Variants in NOTCH1 observed in about 807,000 individuals in gnomAD.
NOTCH1 encodes neurogenic locus notch homolog protein 1.
A neutral mutation model predicts 254.8 loss-of-function variants in NOTCH1; 37 were observed. The observed-to-expected ratio is 0.15, with a 90% CI of 0.11 to 0.19. NOTCH1 has a LOEUF of 0.19. Ranked by LOEUF, NOTCH1 falls within the 10% of genes least tolerant of loss-of-function variation. The pLI is 1.00. For synonymous variants in NOTCH1, 1,731 were observed against 1,618.1 expected, an observed-to-expected ratio of 1.07 and a Z score of -1.68; for missense variants, 2,972 against 3,708.6, an observed-to-expected ratio of 0.80 and a Z score of 5.16.
At position 136,497,084 on chromosome 9, in the gene NOTCH1, G is replaced by T; in HGVS notation, c.6655C>A (p.Leu2219Met). The T allele has an allele frequency of 6.2e-7, 1 of 1,609,842 alleles. No homozygotes were observed. Among genetic ancestry groups the T allele is most frequent in the Non-Finnish European group, 8.5e-7 (1 of 1,178,116 alleles). ...GGAGACTGCTGGAACGGGGAGGGCA[G>T]CAGTGGCGGCGAGGCCACGTCTGAC... is the stretch of plus-strand genomic sequence containing the variant. ...YLSDVASPPL[L>M]PSPFQQSPSV... Residue 2219 changes from leucine to methionine, a missense_variant, in exon 34 of 34, where the codon CTG (leucine) becomes ATG (methionine). Leu to Met is a conservative substitution (Grantham distance 15). Coordinates refer to ENST00000651671, the MANE Select transcript of NOTCH1 (RefSeq NM_017617.5).
chr9:136,505,675 G>T lies in NOTCH1; in HGVS notation c.4221C>A (p.Ser1407=). Residue 1407 remains serine, a synonymous_variant, in exon 25 of 34, where the codon TCC becomes TCA. Transcript: ENST00000651671. ...CYNQGTCEPT[S]ESPFYRCLCP... is the part of the protein sequence containing the mutation. ...ACAGGCAACGGTAGAAGGGGCTCTC[G>T]GATGTGGGCTCACAGGTCCCCTGGT... The T allele has an allele frequency of 1.2e-6, 2 of 1,610,860 alleles. No homozygotes were observed.
Position 136,501,795 on chromosome 9 carries a change from T to C in NOTCH1, c.5591A>G (p.Gln1864Arg). ...RMSAMAPTPP[Q>R]GEVDADCMDV... ...CATGCAGTCGGCGTCAACCTCACCC[T>C]GGGGCGGTGTGGGGGCCATGGCAGA... The change falls in exon 30 of 34, where the codon CAG becomes CGG. Residue 1864 changes from glutamine to arginine, a missense_variant. This residue lies in a region of NOTCH1 where 421 missense variants were observed against 604.4 expected (regional missense o/e 0.70). Transcript: ENST00000651671. 2 of 1,612,716 alleles carry C rather than the reference T, an allele frequency of 1.2e-6. No individual in the cohort carries two copies. The highest frequency in any genetic ancestry group is 2.2e-5 in the East Asian group (1 of 44,870).
At chr9:136,542,679 G>A (rs1399423288) in intron 2 of NOTCH1, among the ~76,000 whole-genome samples, 1 of 151,608 alleles carries the variant, frequency 6.6e-6, no homozygotes, top group Non-Finnish European at 1.5e-5. Flanking sequence ...CGGGGAGGGA[G>A]GGGGCCTGCT....
rs1327993107 is a variant in NOTCH1 at position 136,513,207 on chromosome 9, C to T, written c.2354-73G>A. Reference sequence around the variant, plus strand: ...CTTGGCAGGGCCCCACAACAGCAGCCCTGGGCCTGCTCCCCACCCCAGGCC... The same window carrying T: ...CTTGGCAGGGCCCCACAACAGCAGCTCTGGGCCTGCTCCCCACCCCAGGCC... On this transcript the variant is annotated intron_variant, in intron 14 of 33. Coordinates refer to ENST00000651671, the MANE Select transcript of NOTCH1 (RefSeq NM_017617.5). This position sits in a 1 kb window ranked among gnomAD's most constrained non-coding sequence, Gnocchi z 4.7. 1.4e-6 allele frequency: 2 copies of T among 1,455,718 alleles called. No individual in the cohort carries two copies. The highest frequency in any genetic ancestry group is 1.9e-6 in the Non-Finnish European group (2 of 1,039,612). 90.2% of individuals were successfully genotyped at this position (1,455,718 alleles called of 1,614,324 possible). A position where few individuals can be genotyped will look rare whatever the true frequency, so the allele number is the denominator to read the frequency against.
rs535142256 is a variant in NOTCH1, at chr9:136,527,729, G to A, written c.141-3750C>T. 7.2e-5 allele frequency among the ~76,000 whole-genome samples: 11 copies of A among 152,258 alleles called. No homozygotes were observed. The South Asian group carries it at 1.2e-3, about 17-fold the overall frequency. On this transcript the variant is annotated intron_variant, in intron 2 of 33. Transcript: ENST00000651671. ...CCGTGCGTCCCTCTTAGGGTCACCCGGCACCTGCCTGTCCCATCCCCCACG... is the reference window on the plus strand; with the variant it reads ...CCGTGCGTCCCTCTTAGGGTCACCCAGCACCTGCCTGTCCCATCCCCCACG...
At chr9:136,533,259 A>AG (rs1453401925) in intron 2 of NOTCH1, among the ~76,000 whole-genome samples, 1 of 49,828 alleles carries the variant, frequency 2.0e-5, no homozygotes, top group South Asian at 1.3e-3. Context: ...TGGAGGCCCA[A>AG]GGGGGGGACT....
intron 8 of NOTCH1, 45 bp from the exon 9 acceptor site, chr9:136,517,430 G>T: frequency 7.9e-7 from 1 of 1,261,210 alleles, no homozygotes; most frequent in Non-Finnish European, 1.1e-6. Flanking sequence ...CGGCCCCAGT[G>T]CCCCACTGGG....
At chr9:136,505,209 C>G in intron 25 of NOTCH1, 101 bp downstream of exon 25, 2 of 1,519,862 alleles carry the variant, frequency 1.3e-6, no homozygotes, top group Admixed American at 1.9e-5. Context: ...TCCCTGCACC[C>G]CCTGAGCAGA....
intron 4 of NOTCH1, among the ~76,000 whole-genome samples, chr9:136,520,184 C>T (rs1843344201): frequency 6.6e-6 from 1 of 152,216 alleles, no homozygotes; most frequent in African/African-American, 2.4e-5. Flanking sequence ...CACTCAACTC[C>T]CGCTGGTTCA....
At position 136,500,735 on chromosome 9, in the gene NOTCH1, G is replaced by A. The variant is rs752199771; in HGVS notation, c.5751C>T (p.Gly1917=). The change falls in exon 31 of 34, where the codon GGC becomes GGT. Residue 1917 remains glycine (G), a synonymous_variant. Coordinates refer to ENST00000651671, the MANE Select transcript of NOTCH1 (RefSeq NM_017617.5). Reference sequence around the variant, plus strand: ...GGTCTGTCTGGTTGTGCAGGCTGGCGCCCTGGTAGATGAAGTCGGAGATGA... The same window carrying A: ...GGTCTGTCTGGTTGTGCAGGCTGGCACCCTGGTAGATGAAGTCGGAGATGA... The part of the protein sequence containing the change: ...PAVISDFIYQ[G]ASLHNQTDRT... 7 of 1,607,718 alleles carry A rather than the reference G, an allele frequency of 4.4e-6. No homozygotes were observed. The highest frequency in any genetic ancestry group is 2.2e-5 in the East Asian group (1 of 44,894).
At chr9:136,530,275 G>A (rs1382746053) in intron 2 of NOTCH1, among the ~76,000 whole-genome samples, 1 of 152,232 alleles carries the variant, frequency 6.6e-6, no homozygotes, top group Admixed American at 6.5e-5. Flanking sequence ...TTGCATCCTC[G>A]GATGGTTTAA....
intron 17 of NOTCH1, among the ~76,000 whole-genome samples, chr9:136,510,249 C>T (rs1213824426): frequency 6.6e-6 from 1 of 152,228 alleles, no homozygotes; most frequent in Non-Finnish European, 1.5e-5. Context: ...AGAGACAGTT[C>T]TTGCCTCTGC....
intron 6 of NOTCH1, 22 bp from the exon 7 acceptor site, chr9:136,518,314 G>A (rs1286153791): frequency 1.9e-6 from 3 of 1,603,106 alleles, no homozygotes; most frequent in Admixed American, 3.4e-5. Flanking sequence ...GCGGCGGTCA[G>A]TGGGCACGGC....
chr9:136,503,664 C>T (rs1352405711), intron 26 of NOTCH1, among the ~76,000 whole-genome samples: 1 of 152,208 alleles, frequency 6.6e-6, no homozygotes, highest in African/African-American at 2.4e-5. Context: ...CCCAGTCCTC[C>T]CCCAGGAGCC....
At chr9:136,515,460 C>T (rs367929460) in intron 11 of NOTCH1, 23 bp downstream of exon 11, 32 of 1,611,434 alleles carry the variant, frequency 2.0e-5, no homozygotes, top group East Asian at 4.5e-5. Flanking sequence ...GGCCCCCCGC[C>T]GGCCACCCGC....
intron 15 of NOTCH1, among the ~76,000 whole-genome samples, chr9:136,512,603 G>A (rs1051044360): frequency 3.3e-5 from 5 of 152,258 alleles, no homozygotes; most frequent in East Asian, 1.9e-4. Context: ...GGGGAAGCCC[G>A]GCCCCCAGAG....
chr9:136,519,599 T>C, intron 4 of NOTCH1, 34 bp from the exon 5 acceptor site: 1 of 1,612,192 alleles, frequency 6.2e-7, no homozygotes, highest in African/African-American at 1.3e-5. Context: ...GCCTCTTCCC[T>C]GAGGTCCAGT....
At chr9:136,520,403 A>G (rs1843348313) in intron 4 of NOTCH1, among the ~76,000 whole-genome samples, 1 of 152,122 alleles carries the variant, frequency 6.6e-6, no homozygotes, top group African/African-American at 2.4e-5. Flanking sequence ...AGAGACAACC[A>G]AAATCCAAAA....
rs2133329337 is a variant in NOTCH1, at chr9:136,501,913, A to G, written c.5473T>C (p.Phe1825Leu). 1 of 1,611,576 alleles carries G rather than the reference A, an allele frequency of 6.2e-7. No homozygotes were observed. The highest frequency in any genetic ancestry group is 1.1e-5 in the South Asian group (1 of 91,078). Residue 1825 changes from phenylalanine (F) to leucine (L), a missense_variant and splice_region_variant, in exon 30 of 34, where the codon TTC (phenylalanine) becomes CTC (leucine). Coordinates refer to ENST00000651671, the MANE Select transcript of NOTCH1 (RefSeq NM_017617.5). ...DEDLETKKFR[F>L]EEPVVLPDLD... ...TCAGGCAGAACCACGGGCTCCTCGAACTACATAGAGGGAGTGAGCAGAGCC... is the reference window on the plus strand; with the variant it reads ...TCAGGCAGAACCACGGGCTCCTCGAGCTACATAGAGGGAGTGAGCAGAGCC...
Sources: gnomAD v4.1 joint callset for allele counts (sites outside exome capture counted in the v4.1 genomes callset) on GRCh38, gnomAD v4.1.1 for gene constraint, gnomAD v4.1.1 regional missense constraint, Gnocchi (gnomAD v3.1) non-coding constraint, MANE v1.5 for transcripts, NCBI Gene and HGNC (gene_info 2026-07-23, HGNC 2026-07-21) for gene names.